Variants in TBC1D8B observed in about 807,000 individuals in gnomAD.
TBC1D8B encodes the protein RP11-321G1.1.
A neutral mutation model predicts 82.9 loss-of-function variants in TBC1D8B; 75 were observed. That is an observed-to-expected ratio of 0.90 (90% CI 0.75 to 1.10). The LOEUF is 1.10. Ranked by LOEUF, TBC1D8B falls within the 50% of genes least tolerant of loss-of-function variation. The pLI is 0.00. For synonymous variants in TBC1D8B, 276 were observed against 276.8 expected (o/e 1.00, Z 0.03); for missense variants, 794 against 796.9 (o/e 1.00, Z 0.04).
intron 5 of TBC1D8B, among the ~76,000 whole-genome samples, chrX:106,825,285 CT>C (rs767657372): frequency 4.5e-5 from 5 of 111,632 alleles, no homozygotes. Flanking sequence ...TTAGTTTTAG[CT>C]TTGTTGGATT....
At chrX:106,872,972 G>GA (rs1182721146) in intron 20 of TBC1D8B, among the ~76,000 whole-genome samples, 1 of 108,560 alleles carries the variant, frequency 9.2e-6, no homozygotes, top group Non-Finnish European at 1.9e-5. Flanking sequence ...CTTGTCTAAG[G>GA]AAAAAAAAAT....
intron 1 of TBC1D8B, among the ~76,000 whole-genome samples, chrX:106,813,464 G>C (rs988988123): frequency 2.7e-5 from 3 of 111,785 alleles, no homozygotes; most frequent in African/African-American, 9.8e-5. Context: ...CATAGTACAA[G>C]GCGCTTATAA....
intron 14 of TBC1D8B, among the ~76,000 whole-genome samples, chrX:106,862,405 T>C (rs146965654): frequency 0.043 from 4,752 of 111,808 alleles, 104 homozygotes; most frequent in East Asian, 0.11. Context: ...CTTGTGATAG[T>C]ATTATGAAAT....
In TBC1D8B at chrX:106,822,084, G is replaced by A; in HGVS notation, c.468G>A (p.Lys156=). 1.7e-6 allele frequency: 2 copies of A among 1,210,485 alleles called. No homozygotes were observed. The highest frequency in any genetic ancestry group is 2.2e-5 in the Admixed American group (1 of 45,848). The change falls in exon 4 of 21, where the codon AAG becomes AAA. Residue 156 remains lysine (K), a synonymous_variant. Transcript: ENST00000357242. ...AAAAATGTTTTGGTTTACCAGAGAAGGAGAAGTTAGTGACCTATTATTCAT... is the reference window on the plus strand; with the variant it reads ...AAAAATGTTTTGGTTTACCAGAGAAAGAGAAGTTAGTGACCTATTATTCAT... ...KFEKCFGLPE[K]EKLVTYYSCS...
Position 106,866,791 on chromosome X carries a change from G to T in TBC1D8B, c.2663-6G>T. On this transcript the variant is annotated splice_region_variant and splice_polypyrimidine_tract_variant and intron_variant, in intron 16 of 20. Coordinates refer to ENST00000357242, the MANE Select transcript of TBC1D8B (RefSeq NM_017752.3). ...TGATTATTTACAATTGAATTTTATT[G>T]AACAGACATAATGTACAATGGAAGT... The T allele has an allele frequency of 8.9e-7, 1 of 1,129,401 alleles. No homozygotes were observed. The allele number at this position is 1,129,401 out of a possible 1,213,427, so 93.1% of individuals were successfully genotyped here. A position where few individuals can be genotyped will look rare whatever the true frequency, so the allele number is the denominator to read the frequency against.
chrX:106,847,481 C>G (rs1185410415), intron 10 of TBC1D8B, among the ~76,000 whole-genome samples: 7 of 111,314 alleles, frequency 6.3e-5, no homozygotes, highest in African/African-American at 2.3e-4. Context: ...CCATTCTCTC[C>G]AAATTCTATC....
At chrX:106,847,325 C>CA (rs1379869409) in intron 10 of TBC1D8B, among the ~76,000 whole-genome samples, 2 of 109,039 alleles carry the variant, frequency 1.8e-5, no homozygotes, top group African/African-American at 6.7e-5. Flanking sequence ...TAGTGCTAAG[C>CA]AAAAAAATAA....
rs1931744597 is a variant in TBC1D8B, at chrX:106,823,225, G to A, written c.587-1G>A. The A allele has an allele frequency of 8.3e-7, 1 of 1,202,867 alleles. No homozygotes were observed. Among genetic ancestry groups the A allele is most frequent in the African/African-American group, 1.8e-5 (1 of 56,921 alleles). On this transcript the variant is annotated splice_acceptor_variant, in intron 4 of 20. Transcript: ENST00000357242. LOFTEE classifies it high-confidence loss of function. Reference sequence around the variant, plus strand: ...TACCTGCTTATACCTCTTATTTGCAGTAAAACTCATTATCTCCTGGGATGA... The same window carrying A: ...TACCTGCTTATACCTCTTATTTGCAATAAAACTCATTATCTCCTGGGATGA...
rs749561105 is a variant in TBC1D8B at position 106,865,796 on chromosome X, G to A, written c.2425G>A (p.Glu809Lys). 3 of 1,179,478 alleles carry A rather than the reference G, an allele frequency of 2.5e-6. No homozygotes were observed. The Admixed American group carries it at 7.7e-5, about 30-fold the overall frequency. ...CTTTTTTATTTATTTTTAATAGAAA[G>A]AGCTGTTTTTATCTTGTTATTGGTG... ...LDELYVIFKK[E>K]LFLSCYWCLG... Residue 809 changes from glutamate to lysine, a missense_variant, in exon 16 of 21, where the codon GAG (glutamate) becomes AAG (lysine). Transcript: ENST00000357242.
At position 106,803,035 on chromosome X, in the gene TBC1D8B, A is replaced by G. The variant is rs774564452; in HGVS notation, c.130+52A>G. 15 of 1,140,967 alleles carry G rather than the reference A, an allele frequency of 1.3e-5. 1 individual carries two copies. The Admixed American group carries it at 3.8e-4, about 29-fold the overall frequency. 94.0% of individuals were successfully genotyped at this position (1,140,967 alleles called of 1,213,427 possible). On this transcript the variant is annotated intron_variant, in intron 1 of 20. Coordinates refer to ENST00000357242, the MANE Select transcript of TBC1D8B (RefSeq NM_017752.3). Reference sequence around the variant, plus strand: ...CTGGGCTGTGTTCGCTGTTACTTAAAAGGTGGTGAGGACAACAGTTACTCG... The same window carrying G: ...CTGGGCTGTGTTCGCTGTTACTTAAGAGGTGGTGAGGACAACAGTTACTCG...
chrX:106,868,061 C>A (rs1296121354), intron 17 of TBC1D8B, among the ~76,000 whole-genome samples: 1 of 109,906 alleles, frequency 9.1e-6, no homozygotes, highest in African/African-American at 3.3e-5. Flanking sequence ...TGGCTGAGGT[C>A]ACATTTTCAG....
intron 20 of TBC1D8B, among the ~76,000 whole-genome samples, chrX:106,872,341 G>A (rs1166361057): frequency 1.9e-4 from 19 of 97,488 alleles, no homozygotes; most frequent in Non-Finnish European, 3.7e-4. Context: ...GGAAGGGGAG[G>A]GGAGGGGGAG....
At chrX:106,821,856 T>C (rs1234616049) in intron 3 of TBC1D8B, 121 bp from the exon 4 acceptor site, 46 of 575,617 alleles carry the variant, frequency 8.0e-5, no homozygotes, top group Non-Finnish European at 1.1e-4. Flanking sequence ...AATCCATGGA[T>C]GAGGAACCCA....
chrX:106,838,261 A>T (rs1025066984), intron 7 of TBC1D8B, among the ~76,000 whole-genome samples: 1 of 111,097 alleles, frequency 9.0e-6, no homozygotes, highest in Admixed American at 9.6e-5. Context: ...GACACTTTCT[A>T]TTGGTTGCTT....
chrX:106,864,971 G>A (rs1036795717), intron 14 of TBC1D8B, among the ~76,000 whole-genome samples: 1 of 110,492 alleles, frequency 9.1e-6, no homozygotes, highest in African/African-American at 3.3e-5. Context: ...TGAGTCTACC[G>A]GGTTTTTTTA....
chrX:106,852,583 A>G (rs1368106072), intron 12 of TBC1D8B, among the ~76,000 whole-genome samples: 2 of 110,735 alleles, frequency 1.8e-5, no homozygotes, highest in East Asian at 2.8e-4. Flanking sequence ...ATCTTGAATT[A>G]ATTTTTGTAT....
At chrX:106,869,769 T>G (rs1932836199) in intron 19 of TBC1D8B, among the ~76,000 whole-genome samples, 1 of 112,224 alleles carries the variant, frequency 8.9e-6, no homozygotes, top group Non-Finnish European at 1.9e-5. Context: ...ATTCAGACAG[T>G]ACATAAGTCC....
intron 7 of TBC1D8B, among the ~76,000 whole-genome samples, chrX:106,834,370 A>C (rs1291630654): frequency 9.0e-6 from 1 of 111,071 alleles, no homozygotes; most frequent in Non-Finnish European, 1.9e-5. Flanking sequence ...CCCATGATTC[A>C]ATTATCTCCA....
intron 1 of TBC1D8B, among the ~76,000 whole-genome samples, chrX:106,807,518 A>AAT (rs1373646852): frequency 9.4e-6 from 1 of 105,934 alleles, no homozygotes; most frequent in Non-Finnish European, 1.9e-5. Context: ...GTAGAAAACT[A>AAT]ATATTTGGTT....
Sources: gnomAD v4.1 joint callset for allele counts (sites outside exome capture counted in the v4.1 genomes callset) on GRCh38, gnomAD v4.1.1 for gene constraint, MANE v1.5 for transcripts, NCBI Gene and HGNC (gene_info 2026-07-23, HGNC 2026-07-21) for gene names.